The following ST6GALNAC1 variants were observed in gnomAD, a reference collection of about 807,000 sequenced individuals.
ST6GALNAC1 encodes ST6 N-acetylgalactosaminide alpha-2,6-sialyltransferase 1.
A neutral mutation model predicts 56.8 loss-of-function variants in ST6GALNAC1; 45 were observed. The ratio of observed to expected loss-of-function variants is 0.79; its 90% CI spans 0.62 to 1.02. The LOEUF is 1.02. Ranked by LOEUF, ST6GALNAC1 falls within the 50% of genes least tolerant of loss-of-function variation. The probability of loss-of-function intolerance (pLI) is 0.00; values close to 1 mark genes in which losing one functional copy is unlikely to be tolerated. For synonymous variants in ST6GALNAC1, 295 were observed against 297.8 expected (o/e 0.99, Z 0.10); for missense variants, 743 against 754.8 (o/e 0.98, Z 0.18).
At chr17:76,630,997 C>T (rs1413996093) in intron 1 of ST6GALNAC1, among the ~76,000 whole-genome samples, 3 of 151,494 alleles carry the variant, frequency 2.0e-5, no homozygotes, top group Middle Eastern at 3.4e-3. Context: ...TGGGCTCAAG[C>T]GATCCTGTGG....
intron 1 of ST6GALNAC1, among the ~76,000 whole-genome samples, chr17:76,636,118 A>G (rs2075970409): frequency 6.6e-6 from 1 of 152,248 alleles, no homozygotes; most frequent in African/African-American, 2.4e-5. Flanking sequence ...CTATTATCCC[A>G]GTCCCTTCAA....
chr17:76,641,496 GA>G (rs1187256935), intron 1 of ST6GALNAC1, among the ~76,000 whole-genome samples: 1 of 152,100 alleles, frequency 6.6e-6, no homozygotes, highest in Non-Finnish European at 1.5e-5. Context: ...AAATGACTAA[GA>G]AAGTTAAGAT....
rs913958203 is a variant in ST6GALNAC1, at chr17:76,629,518, G to A, written c.325C>T (p.Pro109Ser). Residue 109 changes from proline (P) to serine (S), a missense_variant, in exon 2 of 9, where the codon CCG becomes TCG. By Grantham distance (74) the Pro-to-Ser change is moderately conservative (BLOSUM62 -1). Transcript: ENST00000156626. ...DRGKEANQAP[P>S]EEQDKVPHTA... Reference sequence around the variant, plus strand: ...TGGGGCACCTTGTCCTGCTCCTCCGGCGGTGCCTGGTTGGCCTCCTTTCCT... The same window carrying A: ...TGGGGCACCTTGTCCTGCTCCTCCGACGGTGCCTGGTTGGCCTCCTTTCCT... 2 of 1,613,972 alleles carry A rather than the reference G, an allele frequency of 1.2e-6. No individual in the cohort carries two copies. Among genetic ancestry groups the A allele is most frequent in the Non-Finnish European group, 8.5e-7 (1 of 1,180,012 alleles).
At chr17:76,636,628 C>T (rs987904097) in intron 1 of ST6GALNAC1, among the ~76,000 whole-genome samples, 15 of 152,100 alleles carry the variant, frequency 9.9e-5, no homozygotes, top group Non-Finnish European at 1.9e-4. Context: ...TCCTCCCGCC[C>T]GGCCAGCCTC....
chr17:76,640,859 G>C (rs576708796), intron 1 of ST6GALNAC1, among the ~76,000 whole-genome samples: 12 of 152,096 alleles, frequency 7.9e-5, no homozygotes, highest in Non-Finnish European at 1.8e-4. Context: ...GGCTGAAGAA[G>C]ATATTTTGAA....
intron 1 of ST6GALNAC1, among the ~76,000 whole-genome samples, chr17:76,639,244 T>A (rs1442345423): frequency 6.6e-6 from 1 of 152,120 alleles, no homozygotes; most frequent in Non-Finnish European, 1.5e-5. Context: ...CTCCACTGGG[T>A]CCAGGCCCTG....
chr17:76,639,788 TG>T (rs1230291224), intron 1 of ST6GALNAC1, among the ~76,000 whole-genome samples: 1 of 101,956 alleles, frequency 9.8e-6, no homozygotes, highest in African/African-American at 3.9e-5. Flanking sequence ...GGAGTGGGGG[TG>T]GGAGACGTGG....
chr17:76,626,762 G>C lies in ST6GALNAC1; in HGVS notation c.1200C>G (p.Tyr400Ter). ...ATGTCCGAGTCCCCACATCCTGTTC[G>C]TAGCCTTTAATGAGAGCTCCGCTCA... is the stretch of plus-strand genomic sequence containing the variant. ...FRLSGALIKG[Y>*]EQDVGTRTSF... The change falls in exon 5 of 9, where the codon TAC (tyrosine) becomes TAG (stop). Residue 400 changes from tyrosine (Y) to a stop codon, truncating the protein, a stop_gained. Coordinates refer to ENST00000156626, the MANE Select transcript of ST6GALNAC1 (RefSeq NM_018414.5). LOFTEE classifies it high-confidence loss of function. 1 of 1,614,220 alleles carries C rather than the reference G, an allele frequency of 6.2e-7. No homozygotes were observed. The highest frequency in any genetic ancestry group is 1.3e-5 in the African/African-American group (1 of 75,064).
At chr17:76,630,317 C>T (rs1260165427) in intron 1 of ST6GALNAC1, among the ~76,000 whole-genome samples, 3 of 152,240 alleles carry the variant, frequency 2.0e-5, no homozygotes, top group South Asian at 2.1e-4. Context: ...AAGGCAGGGC[C>T]GGCCAAGGCA....
At chr17:76,619,742 T>TTG in the ST6GALNAC1 span, among the ~76,000 whole-genome samples, 2 of 24,078 alleles carry the variant, frequency 8.3e-5, no homozygotes, top group South Asian at 1.2e-3. Context: ...TAATGTTAGT[T>TTG]TTTTTTTTTT....
chr17:76,617,961 C>T, the ST6GALNAC1 span, among the ~76,000 whole-genome samples: 2 of 152,128 alleles, frequency 1.3e-5, no homozygotes, highest in African/African-American at 4.8e-5. Context: ...TTCTCTGGGT[C>T]AAGGGACCCG....
rs772127622 is a variant in ST6GALNAC1 at position 76,629,573 on chromosome 17, G to C, written c.270C>G (p.Thr90=). The change falls in exon 2 of 9, where the codon ACC becomes ACG. Residue 90 remains threonine (T), a synonymous_variant. Coordinates refer to ENST00000156626, the MANE Select transcript of ST6GALNAC1 (RefSeq NM_018414.5). ...VPENNALNTQ[T]QPKAHTTGDR... Reference sequence around the variant, plus strand: ...CTCCGGTGGTGTGGGCCTTGGGCTGGGTTTGTGTGTTGAGGGCATTGTTCT... The same window carrying C: ...CTCCGGTGGTGTGGGCCTTGGGCTGCGTTTGTGTGTTGAGGGCATTGTTCT... 2 of 1,613,866 alleles carry C rather than the reference G, an allele frequency of 1.2e-6. No homozygotes were observed. The highest frequency in any genetic ancestry group is 8.5e-7 in the Non-Finnish European group (1 of 1,179,962).
At chr17:76,630,454 G>C (rs8080520) in intron 1 of ST6GALNAC1, among the ~76,000 whole-genome samples, 1 of 152,052 alleles carries the variant, frequency 6.6e-6, no homozygotes, top group Non-Finnish European at 1.5e-5. Context: ...TTTATTCAGG[G>C]TCTCCAGCGG....
At chr17:76,638,864 G>A (rs2076010499) in intron 1 of ST6GALNAC1, among the ~76,000 whole-genome samples, 1 of 145,600 alleles carries the variant, frequency 6.9e-6, no homozygotes, top group African/African-American at 2.7e-5. Context: ...TTAGGCGTGA[G>A]CCACTGTGCC....
At chr17:76,619,740 G>GGTT in the ST6GALNAC1 span, among the ~76,000 whole-genome samples, 32 of 101,586 alleles carry the variant, frequency 3.2e-4, no homozygotes, top group African/African-American at 1.2e-3. Context: ...AATAATGTTA[G>GGTT]TTTTTTTTTT....
Position 76,627,023 on chromosome 17 carries a change from G to A in ST6GALNAC1, c.1172+44C>T. 6.7e-7 allele frequency: 1 copy of A among 1,500,420 alleles called. No homozygotes were observed. Among genetic ancestry groups the A allele is most frequent in the Non-Finnish European group, 8.9e-7 (1 of 1,120,378 alleles). 92.9% of individuals were successfully genotyped at this position (1,500,420 alleles called of 1,614,324 possible). On this transcript the variant is annotated intron_variant, in intron 4 of 8. Coordinates refer to ENST00000156626, the MANE Select transcript of ST6GALNAC1 (RefSeq NM_018414.5). This position sits in a 1 kb window ranked among gnomAD's most constrained non-coding sequence, Gnocchi z 4.4. ...AGGGGCTGGAGGGGGGCTGGAGGGGGCAGGAGAGGGGCTGGAGAGGGAGCT... is the reference window on the plus strand; with the variant it reads ...AGGGGCTGGAGGGGGGCTGGAGGGGACAGGAGAGGGGCTGGAGAGGGAGCT...
chr17:76,633,070 G>T (rs1333986068), intron 1 of ST6GALNAC1, among the ~76,000 whole-genome samples: 1 of 151,826 alleles, frequency 6.6e-6, no homozygotes. Flanking sequence ...TTAGTTTGGT[G>T]TGTTGGCACG....
At chr17:76,631,097 GCACGCGTGCGCGAGCACT>G (rs2075891290) in intron 1 of ST6GALNAC1, among the ~76,000 whole-genome samples, 3 of 133,656 alleles carry the variant, frequency 2.2e-5, no homozygotes, top group Non-Finnish European at 3.3e-5. Context: ...GTGTGTGTGT[GCACGCGTGCGCGAGCACT>G]TGTGTGTGTT....
chr17:76,627,239 CTG>C lies in ST6GALNAC1; in HGVS notation c.1001-3_1001-2del, dbSNP rs1567953154. ...AAGCGTGTCACGACCTTCTGCACCA[CTG>C]GAACAAGAGTGGGGGTGCTCCATTC... On this transcript the variant is annotated splice_acceptor_variant and splice_polypyrimidine_tract_variant and intron_variant, in intron 3 of 8. Transcript: ENST00000156626. LOFTEE classifies it high-confidence loss of function. The surrounding 1 kb of genome is among the most constrained non-coding windows in gnomAD (Gnocchi z 4.4). 1 of 1,560,316 alleles carries C rather than the reference CTG, an allele frequency of 6.4e-7. No homozygotes were observed. The highest frequency in any genetic ancestry group is 1.2e-5 in the South Asian group (1 of 81,876).
Sources: gnomAD v4.1 joint callset for allele counts (sites outside exome capture counted in the v4.1 genomes callset) on GRCh38, gnomAD v4.1.1 for gene constraint, Gnocchi (gnomAD v3.1) non-coding constraint, MANE v1.5 for transcripts, NCBI Gene and HGNC (gene_info 2026-07-23, HGNC 2026-07-21) for gene names.